Variants in TBL1XR1 observed in about 807,000 individuals in gnomAD.
TBL1XR1 encodes the protein F-box-like/WD repeat-containing protein TBL1XR1.
A neutral mutation model predicts 66.9 loss-of-function variants in TBL1XR1; 5 were observed. The ratio of observed to expected loss-of-function variants is 0.07; its 90% CI spans 0.04 to 0.16. The LOEUF (loss-of-function observed/expected upper bound fraction) is 0.16, where lower values mean the gene tolerates loss of function less well. Ranked by LOEUF, TBL1XR1 falls within the 10% of genes least tolerant of loss-of-function variation. The pLI is 1.00. For synonymous variants in TBL1XR1, 210 were observed against 206.0 expected (o/e 1.02, Z -0.17); for missense variants, 238 against 623.2 (o/e 0.38, Z 6.58).
chr3:177,100,705 GTGA>G (rs748668159), intron 1 of TBL1XR1, among the ~76,000 whole-genome samples: 1 of 152,130 alleles, frequency 6.6e-6, no homozygotes, highest in African/African-American at 2.4e-5. Context: ...GATTACAGGG[GTGA>G]GCCACTGTGC....
chr3:177,058,972 GTTTA>G (rs1325479634), intron 3 of TBL1XR1, among the ~76,000 whole-genome samples: 1 of 152,178 alleles, frequency 6.6e-6, no homozygotes, highest in East Asian at 1.9e-4. Context: ...ACTGCTTGCT[GTTTA>G]TTGTCAATTA....
chr3:177,143,306 T>C (rs945257555), intron 1 of TBL1XR1, among the ~76,000 whole-genome samples: 9 of 151,984 alleles, frequency 5.9e-5, no homozygotes, highest in Non-Finnish European at 1.2e-4. Flanking sequence ...TGCTCAGTAT[T>C]TGCTAAGTCA....
intron 1 of TBL1XR1, among the ~76,000 whole-genome samples, chr3:177,192,817 C>T (rs1054573131): frequency 6.6e-6 from 1 of 152,180 alleles, no homozygotes; most frequent in African/African-American, 2.4e-5. Flanking sequence ...ATCTTCTTAA[C>T]TCTATGAAAG....
At chr3:177,173,558 CA>C (rs1270143267) in intron 1 of TBL1XR1, among the ~76,000 whole-genome samples, 2 of 152,088 alleles carry the variant, frequency 1.3e-5, no homozygotes, top group Non-Finnish European at 2.9e-5. Flanking sequence ...CAGTACTCTT[CA>C]AAATTGTCCA....
intron 10 of TBL1XR1, among the ~76,000 whole-genome samples, chr3:177,039,354 T>A (rs984612965): frequency 3.3e-5 from 5 of 152,168 alleles, no homozygotes; most frequent in African/African-American, 9.7e-5. Flanking sequence ...TTACAAGAGT[T>A]AGACAAATGT....
intron 1 of TBL1XR1, among the ~76,000 whole-genome samples, chr3:177,186,731 A>G (rs537540529): frequency 6.6e-6 from 1 of 152,292 alleles, no homozygotes; most frequent in South Asian, 2.1e-4. Flanking sequence ...AAGGCTGTAG[A>G]TTTTTAGTAC....
At chr3:177,040,206 T>C (rs1715390298) in intron 10 of TBL1XR1, among the ~76,000 whole-genome samples, 1 of 151,866 alleles carries the variant, frequency 6.6e-6, no homozygotes, top group East Asian at 1.9e-4. Context: ...TCCCAGCTAC[T>C]TGGAAGGCTG....
intron 1 of TBL1XR1, among the ~76,000 whole-genome samples, chr3:177,107,536 T>C (rs1263232133): frequency 6.6e-6 from 1 of 152,174 alleles, no homozygotes; most frequent in East Asian, 1.9e-4. Flanking sequence ...TTCTGGAGAA[T>C]GCCAAGTTCT....
At chr3:177,167,482 T>C (rs1272458667) in intron 1 of TBL1XR1, among the ~76,000 whole-genome samples, 1 of 152,226 alleles carries the variant, frequency 6.6e-6, no homozygotes, top group East Asian at 1.9e-4. Flanking sequence ...CTATGGACTT[T>C]GGGTGATAAT....
At chr3:177,170,514 G>T (rs762047939) in intron 1 of TBL1XR1, among the ~76,000 whole-genome samples, 8 of 152,072 alleles carry the variant, frequency 5.3e-5, no homozygotes, top group Non-Finnish European at 1.0e-4. Flanking sequence ...TGCTTACCTG[G>T]CTCTTATTTC....
At chr3:177,138,860 A>C (rs55812210) in intron 1 of TBL1XR1, among the ~76,000 whole-genome samples, 53,753 of 151,978 alleles carry the variant, frequency 0.35, 10,195 homozygotes, top group Middle Eastern at 0.47. Context: ...AGAGCAGGGT[A>C]CCATGTGCCT....
At chr3:177,030,015 G>A (rs1056762288) in intron 14 of TBL1XR1, among the ~76,000 whole-genome samples, 5 of 152,070 alleles carry the variant, frequency 3.3e-5, no homozygotes, top group East Asian at 3.8e-4. Context: ...GTGTATGCAC[G>A]TTGAAGAGCA....
At chr3:177,051,010 G>A (rs1717002421) in intron 5 of TBL1XR1, among the ~76,000 whole-genome samples, 1 of 151,968 alleles carries the variant, frequency 6.6e-6, no homozygotes. Flanking sequence ...GAGCTCTATG[G>A]TTATTTGTTG....
chr3:177,105,111 C>T (rs935854802), intron 1 of TBL1XR1, among the ~76,000 whole-genome samples: 17 of 152,136 alleles, frequency 1.1e-4, no homozygotes, highest in African/African-American at 3.1e-4. Context: ...TCCAAATTTA[C>T]GGATACTTGA....
intron 1 of TBL1XR1, among the ~76,000 whole-genome samples, chr3:177,102,387 A>AT (rs949615236): frequency 2.0e-5 from 3 of 152,090 alleles, no homozygotes; most frequent in African/African-American, 4.8e-5. Context: ...GCAGGACCAT[A>AT]TTTTTTTATT....
intron 1 of TBL1XR1, among the ~76,000 whole-genome samples, chr3:177,115,318 T>A (rs1726177447): frequency 6.6e-6 from 1 of 152,170 alleles, no homozygotes; most frequent in Non-Finnish European, 1.5e-5. Flanking sequence ...TGGAGTCAGG[T>A]CAAATTTACT....
intron 1 of TBL1XR1, among the ~76,000 whole-genome samples, chr3:177,124,541 A>G (rs1727377058): frequency 6.6e-6 from 1 of 152,114 alleles, no homozygotes; most frequent in African/African-American, 2.4e-5. Context: ...GGGCTAAATA[A>G]ACAAACTCCT....
At chr3:177,041,739 T>C (rs1328790993) in intron 10 of TBL1XR1, among the ~76,000 whole-genome samples, 3 of 152,186 alleles carry the variant, frequency 2.0e-5, no homozygotes, top group Admixed American at 6.5e-5. Flanking sequence ...AGGAGGGCTA[T>C]TGTAAGTTAT....
intron 1 of TBL1XR1, among the ~76,000 whole-genome samples, chr3:177,148,874 C>T (rs934495251): frequency 1.3e-5 from 2 of 151,572 alleles, no homozygotes; most frequent in African/African-American, 4.9e-5. Flanking sequence ...TGTGGTGGTG[C>T]GTGCCTGTGA....
Sources: gnomAD v4.1 joint callset for allele counts (sites outside exome capture counted in the v4.1 genomes callset) on GRCh38, gnomAD v4.1.1 for gene constraint, MANE v1.5 for transcripts, NCBI Gene and HGNC (gene_info 2026-07-23, HGNC 2026-07-21) for gene names.